The following OPN5 variants were observed in gnomAD, a reference collection of about 807,000 sequenced individuals.
The protein encoded by OPN5 is opsin-5.
OPN5 carries 18 observed loss-of-function variants against 41.7 expected under a neutral mutation model. The observed-to-expected ratio is 0.43, with a 90% confidence interval of 0.30 to 0.64. OPN5 has a LOEUF of 0.64. Ranked by LOEUF, OPN5 falls within the 30% of genes least tolerant of loss-of-function variation. The pLI, the probability that OPN5 is intolerant of heterozygous loss-of-function variation, is 0.13. For synonymous variants in OPN5, 178 were observed against 164.3 expected (o/e 1.08, Z -0.64); for missense variants, 318 against 434.5 (o/e 0.73, Z 2.38).
At chr6:47,821,194 AC>A (rs1762612477) in intron 6 of OPN5, among the ~76,000 whole-genome samples, 1 of 152,130 alleles carries the variant, frequency 6.6e-6, no homozygotes, top group South Asian at 2.1e-4. Context: ...ACTTGGTGTA[AC>A]TTTTGTTTCT....
chr6:47,816,831 T>C (rs898301176), intron 6 of OPN5, among the ~76,000 whole-genome samples: 1 of 152,148 alleles, frequency 6.6e-6, no homozygotes, highest in Non-Finnish European at 1.5e-5. Context: ...TTCTGGCCCA[T>C]TGAAAATATA....
At chr6:47,802,117 G>T (rs78832862) in intron 4 of OPN5, among the ~76,000 whole-genome samples, 2 of 152,104 alleles carry the variant, frequency 1.3e-5, no homozygotes, top group Non-Finnish European at 2.9e-5. Flanking sequence ...TTTAAAAGAC[G>T]CTGAAAAGAA....
At chr6:47,802,069 C>T (rs976520490) in intron 4 of OPN5, among the ~76,000 whole-genome samples, 1 of 152,162 alleles carries the variant, frequency 6.6e-6, no homozygotes, top group African/African-American at 2.4e-5. Context: ...CGTTTTGTGC[C>T]CTGCTTAGAG....
exon 7 of OPN5, chr6:47,824,461 C>T (rs1482863315): frequency 6.1e-6 from 1 of 164,002 alleles, no homozygotes; most frequent in African/African-American, 2.4e-5. Flanking sequence ...GTTTTTATGA[C>T]TGGCAAAGCA....
intron 1 of OPN5, 86 bp downstream of exon 1, chr6:47,782,282 C>G (rs1385749138): frequency 7.5e-7 from 1 of 1,340,950 alleles, no homozygotes; most frequent in Non-Finnish European, 1.0e-6. Context: ...GATTCTGATA[C>G]TTAAGTGGAT....
At chr6:47,782,774 G>C (rs931952479) in intron 1 of OPN5, among the ~76,000 whole-genome samples, 2 of 152,064 alleles carry the variant, frequency 1.3e-5, no homozygotes, top group African/African-American at 4.8e-5. Context: ...GAAAGTCCGG[G>C]GTCAAAAGAT....
rs200415801 is a variant in OPN5 at position 47,795,223 on chromosome 6, C to T, written c.422-6C>T. ...CATCCGGGTAATGCTTTTCTTCCGC[C>T]TCCAGGGGTTTGGCTGAAAAGAAAG... On this transcript the variant is annotated splice_region_variant and splice_polypyrimidine_tract_variant and intron_variant, in intron 3 of 6. Transcript: ENST00000371211. The T allele has an allele frequency of 6.8e-5, 107 of 1,581,210 alleles. No homozygotes were observed. In the African/African-American group the frequency reaches 1.3e-3, roughly 19 times the overall value.
At chr6:47,801,798 C>T (rs550323762) in intron 4 of OPN5, among the ~76,000 whole-genome samples, 16 of 119,028 alleles carry the variant, frequency 1.3e-4, no homozygotes, top group South Asian at 6.5e-4. Flanking sequence ...GAGACCTGAG[C>T]GGGTAACAAC....
At chr6:47,814,041 A>G (rs1298778292) in intron 6 of OPN5, among the ~76,000 whole-genome samples, 1 of 152,188 alleles carries the variant, frequency 6.6e-6, no homozygotes, top group African/African-American at 2.4e-5. Flanking sequence ...AGATTATATC[A>G]TTATATCATT....
At chr6:47,815,920 A>G (rs569074543) in intron 6 of OPN5, among the ~76,000 whole-genome samples, 3 of 152,252 alleles carry the variant, frequency 2.0e-5, no homozygotes, top group African/African-American at 7.2e-5. Flanking sequence ...TATCATTGAA[A>G]CTGCTTTTCT....
intron 4 of OPN5, among the ~76,000 whole-genome samples, chr6:47,806,810 G>T (rs1424274958): frequency 6.6e-6 from 1 of 152,026 alleles, no homozygotes; most frequent in Non-Finnish European, 1.5e-5. Flanking sequence ...CCTTTACTTT[G>T]TTTCACCACT....
chr6:47,804,548 A>C (rs1773892517), intron 4 of OPN5, among the ~76,000 whole-genome samples: 1 of 152,184 alleles, frequency 6.6e-6, no homozygotes, highest in African/African-American at 2.4e-5. Context: ...CTATATCTTA[A>C]AATAGTTTTT....
intron 4 of OPN5, 27 bp downstream of exon 4, chr6:47,795,590 T>A: frequency 1.3e-6 from 2 of 1,524,234 alleles, no homozygotes; most frequent in Admixed American, 3.4e-5. Context: ...TTTACACATG[T>A]GTTTTCTGAC....
chr6:47,809,793 A>G (rs10485321), intron 5 of OPN5, among the ~76,000 whole-genome samples: 18,945 of 152,276 alleles, frequency 0.12, 1,325 homozygotes, highest in Middle Eastern at 0.16. Context: ...AAGTAATAAC[A>G]CTATGTCCTC....
downstream of OPN5, chr6:47,824,953 T>G (rs1346039125): frequency 2.0e-5 from 3 of 152,104 alleles, no homozygotes; most frequent in African/African-American, 7.2e-5. Flanking sequence ...TACCTTAATT[T>G]TAAAGGTAAC....
intron 4 of OPN5, among the ~76,000 whole-genome samples, chr6:47,805,676 A>G (rs529620088): frequency 6.6e-6 from 1 of 152,300 alleles, no homozygotes; most frequent in Admixed American, 6.5e-5. Context: ...ACGGGCACAC[A>G]TATGTCCTTG....
chr6:47,797,961 G>T (rs1416991010), intron 4 of OPN5, among the ~76,000 whole-genome samples: 2 of 152,046 alleles, frequency 1.3e-5, no homozygotes, highest in Non-Finnish European at 2.9e-5. Flanking sequence ...TACATATGAG[G>T]TACAGCTCAG....
intron 4 of OPN5, among the ~76,000 whole-genome samples, chr6:47,804,452 A>T (rs759446753): frequency 2.6e-5 from 4 of 152,234 alleles, no homozygotes; most frequent in African/African-American, 7.2e-5. Context: ...AAACAGACTG[A>T]TGAAAAGATT....
intron 6 of OPN5, among the ~76,000 whole-genome samples, chr6:47,819,150 A>G (rs984685635): frequency 3.3e-5 from 5 of 151,496 alleles, no homozygotes; most frequent in African/African-American, 1.2e-4. Context: ...AAAAAAATTT[A>G]TTTTTAGCTC....
Sources: gnomAD v4.1 joint callset for allele counts (sites outside exome capture counted in the v4.1 genomes callset) on GRCh38, gnomAD v4.1.1 for gene constraint, MANE v1.5 for transcripts, NCBI Gene and HGNC (gene_info 2026-07-23, HGNC 2026-07-21) for gene names.